The following SCFD2 variants were observed in gnomAD, a reference collection of about 807,000 sequenced individuals.
SCFD2 encodes sec1 family domain containing 2, also known as sec1 family domain-containing protein 2.
In SCFD2, 54 loss-of-function variants were observed where a neutral mutation model predicts 58.9. The ratio of observed to expected loss-of-function variants is 0.92; its 90% CI spans 0.74 to 1.15. The LOEUF (loss-of-function observed/expected upper bound fraction) is 1.15, where lower values mean the gene tolerates loss of function less well. SCFD2 is among the 50% of genes most tolerant of loss of function. The pLI, the probability that SCFD2 is intolerant of heterozygous loss-of-function variation, is 0.00. For synonymous variants in SCFD2, 321 were observed against 335.9 expected (o/e 0.96, Z 0.49); for missense variants, 805 against 836.6 (o/e 0.96, Z 0.47).
At chr4:53,314,058 ATCT>A (rs1732784101) in intron 2 of SCFD2, among the ~76,000 whole-genome samples, 2 of 152,220 alleles carry the variant, frequency 1.3e-5, no homozygotes, top group African/African-American at 4.8e-5. Context: ...TTGCACTTAA[ATCT>A]TTCAGAATTC....
At chr4:53,173,480 G>T (rs1387739264) in intron 4 of SCFD2, among the ~76,000 whole-genome samples, 1 of 146,394 alleles carries the variant, frequency 6.8e-6, no homozygotes, top group African/African-American at 2.4e-5. Context: ...CCTTAAAAGT[G>T]AGGTAAGTCT....
intron 2 of SCFD2, among the ~76,000 whole-genome samples, chr4:53,349,971 C>G (rs1734166074): frequency 1.3e-5 from 2 of 152,168 alleles, no homozygotes; most frequent in South Asian, 4.1e-4. Context: ...TTACCTTAGG[C>G]ATGTTATTTA....
intron 4 of SCFD2, among the ~76,000 whole-genome samples, chr4:53,180,239 A>T (rs1332622986): frequency 1.3e-5 from 2 of 152,224 alleles, no homozygotes; most frequent in Non-Finnish European, 2.9e-5. Context: ...AAAATTGACC[A>T]CATAATTGGA....
intron 5 of SCFD2, among the ~76,000 whole-genome samples, chr4:52,975,008 C>G (rs898386513): frequency 1.3e-5 from 2 of 152,142 alleles, no homozygotes; most frequent in Non-Finnish European, 2.9e-5. Flanking sequence ...ACACCTTATA[C>G]AAAAATTAAT....
chr4:53,113,534 T>C (rs1725231438), intron 5 of SCFD2, among the ~76,000 whole-genome samples: 1 of 152,132 alleles, frequency 6.6e-6, no homozygotes, highest in Admixed American at 6.6e-5. Context: ...AAATAATCTG[T>C]CTTATCCTGA....
chr4:52,942,459 G>A (rs1720317468), intron 5 of SCFD2, among the ~76,000 whole-genome samples: 1 of 152,168 alleles, frequency 6.6e-6, no homozygotes, highest in Non-Finnish European at 1.5e-5. Flanking sequence ...TCATGTGGCT[G>A]TTAGGAGCAA....
intron 2 of SCFD2, among the ~76,000 whole-genome samples, chr4:53,318,053 C>T (rs1253976480): frequency 1.3e-5 from 2 of 152,144 alleles, no homozygotes; most frequent in African/African-American, 4.8e-5. Context: ...TCACTGTCAG[C>T]GACTTCATTT....
chr4:53,273,647 T>A lies in SCFD2; in HGVS notation c.1311+179A>T. ...AGATGTTACTGTCAAAATTTTTTTT[T>A]AAACAGGTGTGAAAAAAGTTTCTAC... On this transcript the variant is annotated intron_variant, in intron 4 of 8. Coordinates refer to ENST00000401642, the MANE Select transcript of SCFD2 (RefSeq NM_152540.4). The A allele has an allele frequency of 7.5e-6, 4 of 532,340 alleles. No homozygotes were observed. The East Asian group carries it at 1.0e-4, about 13-fold the overall frequency. The allele number at this position is 532,340 out of a possible 1,614,324, so 33.0% of individuals were successfully genotyped here. A position where few individuals can be genotyped will look rare whatever the true frequency, so the allele number is the denominator to read the frequency against.
At chr4:53,308,003 C>G (rs1179778047) in intron 3 of SCFD2, among the ~76,000 whole-genome samples, 1 of 152,192 alleles carries the variant, frequency 6.6e-6, no homozygotes, top group Non-Finnish European at 1.5e-5. Context: ...GCTGGGCAAG[C>G]TGAAGTGTGG....
chr4:53,281,085 C>A (rs1380437428), intron 3 of SCFD2, among the ~76,000 whole-genome samples: 1 of 152,168 alleles, frequency 6.6e-6, no homozygotes, highest in Non-Finnish European at 1.5e-5. Context: ...CTGTTTGATT[C>A]GACCTGATCT....
At chr4:53,036,234 G>C (rs1222251813) in intron 5 of SCFD2, among the ~76,000 whole-genome samples, 2 of 151,154 alleles carry the variant, frequency 1.3e-5, no homozygotes, top group East Asian at 4.0e-4. Context: ...GACCAGCCCT[G>C]GTGTGTGATG....
chr4:53,191,959 C>T (rs967217630), intron 4 of SCFD2, among the ~76,000 whole-genome samples: 1 of 152,160 alleles, frequency 6.6e-6, no homozygotes, highest in African/African-American at 2.4e-5. Context: ...TGGCTGTCCC[C>T]ACATGCCTTA....
chr4:53,273,698 G>C (rs1731243804), intron 4 of SCFD2, 128 bp downstream of exon 4: 3 of 824,766 alleles, frequency 3.6e-6, no homozygotes, highest in Non-Finnish European at 3.5e-6. Flanking sequence ...GGGGCACTTA[G>C]AGAATATGAA....
intron 5 of SCFD2, among the ~76,000 whole-genome samples, chr4:53,006,403 C>T (rs878933830): frequency 2.6e-5 from 4 of 152,172 alleles, no homozygotes; most frequent in Admixed American, 1.3e-4. Flanking sequence ...AGTAGATATT[C>T]GCCTTTCATC....
chr4:52,888,898 C>T (rs1718816301), intron 7 of SCFD2, among the ~76,000 whole-genome samples: 1 of 152,170 alleles, frequency 6.6e-6, no homozygotes. Flanking sequence ...GACATCACCA[C>T]CCAGCTCCTG....
chr4:53,093,368 T>G (rs528197957), intron 5 of SCFD2, among the ~76,000 whole-genome samples: 21 of 152,164 alleles, frequency 1.4e-4, no homozygotes, highest in Non-Finnish European at 3.1e-4. Flanking sequence ...GAAGAAACAG[T>G]ATTGATGTGA....
At chr4:52,917,636 C>T (rs1719639568) in intron 6 of SCFD2, among the ~76,000 whole-genome samples, 1 of 152,150 alleles carries the variant, frequency 6.6e-6, no homozygotes, top group Non-Finnish European at 1.5e-5. Context: ...ATCCCCATTG[C>T]CCCCACTCTC....
At chr4:52,900,523 C>T (rs946128759) in intron 7 of SCFD2, among the ~76,000 whole-genome samples, 13 of 152,264 alleles carry the variant, frequency 8.5e-5, no homozygotes, top group South Asian at 2.1e-4. Flanking sequence ...GAGGAGTACC[C>T]GGCCGTGTGA....
chr4:53,248,408 G>C (rs376800582), intron 4 of SCFD2, among the ~76,000 whole-genome samples: 143 of 152,322 alleles, frequency 9.4e-4, no homozygotes, highest in Admixed American at 2.5e-3. Context: ...ATTCGAACTG[G>C]GTGGAGCCCA....
Sources: gnomAD v4.1 joint callset for allele counts (sites outside exome capture counted in the v4.1 genomes callset) on GRCh38, gnomAD v4.1.1 for gene constraint, MANE v1.5 for transcripts, NCBI Gene and HGNC (gene_info 2026-07-23, HGNC 2026-07-21) for gene names.